The following PLPPR1 variants were observed in gnomAD, a reference collection of about 807,000 sequenced individuals.
PLPPR1 encodes phospholipid phosphatase-related protein type 1.
A neutral mutation model predicts 33.1 loss-of-function variants in PLPPR1; 10 were observed. The ratio of observed to expected loss-of-function variants is 0.30; its 90% CI spans 0.19 to 0.51. The LOEUF is 0.51. PLPPR1 is among the 20% of genes least tolerant of loss of function. PLPPR1 has a pLI of 0.97. For synonymous variants in PLPPR1, 151 were observed against 151.0 expected (o/e 1.00, Z 0.00); for missense variants, 304 against 408.1 (o/e 0.74, Z 2.20).
At chr9:101,302,401 G>C (rs1383403700) in intron 4 of PLPPR1, among the ~76,000 whole-genome samples, 1 of 152,152 alleles carries the variant, frequency 6.6e-6, no homozygotes, top group Non-Finnish European at 1.5e-5. Flanking sequence ...TTTGAATAAA[G>C]CATGTTAATG....
chr9:101,173,617 C>A (rs1406857121), intron 1 of PLPPR1, among the ~76,000 whole-genome samples: 6 of 152,072 alleles, frequency 3.9e-5, no homozygotes, highest in Non-Finnish European at 7.4e-5. Context: ...ATGGTTGTCC[C>A]CTTGGCTAAA....
chr9:101,084,090 C>T (rs1432711501), intron 1 of PLPPR1, among the ~76,000 whole-genome samples: 1 of 152,162 alleles, frequency 6.6e-6, no homozygotes, highest in Non-Finnish European at 1.5e-5. Context: ...GACTTTGACT[C>T]AGAGCTTTCT....
At chr9:101,253,689 A>G (rs541881387) in intron 2 of PLPPR1, among the ~76,000 whole-genome samples, 6 of 152,242 alleles carry the variant, frequency 3.9e-5, no homozygotes, top group African/African-American at 1.4e-4. Context: ...CTTTTATTCA[A>G]CGTAAAACCT....
intron 2 of PLPPR1, among the ~76,000 whole-genome samples, chr9:101,199,355 G>A (rs1826452940): frequency 6.6e-6 from 1 of 152,188 alleles, no homozygotes; most frequent in African/African-American, 2.4e-5. Context: ...GCTAGTCCCT[G>A]TGGCAGGGGC....
chr9:101,201,253 A>G (rs1588069827), intron 2 of PLPPR1, among the ~76,000 whole-genome samples: 1 of 152,318 alleles, frequency 6.6e-6, no homozygotes, highest in East Asian at 1.9e-4. Flanking sequence ...CCATCTCTCA[A>G]TACTACCACT....
chr9:101,039,846 A>C (rs775437626), intron 1 of PLPPR1, among the ~76,000 whole-genome samples: 1 of 151,858 alleles, frequency 6.6e-6, no homozygotes, highest in Admixed American at 6.6e-5. Context: ...GGCTCCTCCC[A>C]TGACACATGG....
intron 2 of PLPPR1, among the ~76,000 whole-genome samples, chr9:101,214,205 A>C (rs1204512517): frequency 6.6e-6 from 1 of 152,230 alleles, no homozygotes; most frequent in African/African-American, 2.4e-5. Flanking sequence ...TTCAAGAATC[A>C]ATCACATTCT....
chr9:101,240,160 C>T (rs1310311111), intron 2 of PLPPR1, among the ~76,000 whole-genome samples: 1 of 151,958 alleles, frequency 6.6e-6, no homozygotes, highest in East Asian at 1.9e-4. Context: ...GTGTCCTTTT[C>T]CCAGTGTATA....
intron 1 of PLPPR1, among the ~76,000 whole-genome samples, chr9:101,081,598 T>G (rs930307049): frequency 6.6e-6 from 1 of 152,192 alleles, no homozygotes; most frequent in African/African-American, 2.4e-5. Context: ...TTATATGAAT[T>G]ATGGCATCTC....
chr9:101,181,015 A>T (rs1194564018), intron 1 of PLPPR1, among the ~76,000 whole-genome samples: 1 of 151,298 alleles, frequency 6.6e-6, no homozygotes, highest in Non-Finnish European at 1.5e-5. Context: ...ATATATGAAG[A>T]ACTCAAACAA....
intron 1 of PLPPR1, among the ~76,000 whole-genome samples, chr9:101,133,373 G>C (rs1831338934): frequency 6.6e-6 from 1 of 152,194 alleles, no homozygotes; most frequent in African/African-American, 2.4e-5. Context: ...ATAACTTGTA[G>C]TAACATGAGA....
At chr9:101,118,285 G>A (rs1564149673) in intron 1 of PLPPR1, among the ~76,000 whole-genome samples, 1 of 152,194 alleles carries the variant, frequency 6.6e-6, no homozygotes, top group African/African-American at 2.4e-5. Context: ...GTGGGGCTGA[G>A]CTGAGACAGC....
At chr9:101,295,825 G>A (rs1170374718) in intron 4 of PLPPR1, among the ~76,000 whole-genome samples, 64 of 151,366 alleles carry the variant, frequency 4.2e-4, no homozygotes, top group Admixed American at 2.8e-3. Context: ...AGACTTAAAC[G>A]TTAGACCTAA....
chr9:101,113,146 TGA>T (rs1396682180), intron 1 of PLPPR1, among the ~76,000 whole-genome samples: 1 of 152,086 alleles, frequency 6.6e-6, no homozygotes, highest in Non-Finnish European at 1.5e-5. Context: ...TAATCAGAGT[TGA>T]GAGAGGAAGT....
At chr9:101,037,715 G>T (rs147955882) in intron 1 of PLPPR1, among the ~76,000 whole-genome samples, 1 of 151,842 alleles carries the variant, frequency 6.6e-6, no homozygotes, top group Non-Finnish European at 1.5e-5. Flanking sequence ...CCTCCTGGGG[G>T]TCACAGGAAC....
At chr9:101,056,314 A>G (rs1400133835) in intron 1 of PLPPR1, among the ~76,000 whole-genome samples, 2 of 152,202 alleles carry the variant, frequency 1.3e-5, no homozygotes, top group Admixed American at 1.3e-4. Flanking sequence ...ATTTGATGAC[A>G]TTCACCCAAC....
At chr9:101,172,741 C>T (rs1564165425) in intron 1 of PLPPR1, among the ~76,000 whole-genome samples, 1 of 152,054 alleles carries the variant, frequency 6.6e-6, no homozygotes, top group Non-Finnish European at 1.5e-5. Flanking sequence ...CCCCACATTC[C>T]CAGCTCTATC....
intron 2 of PLPPR1, among the ~76,000 whole-genome samples, chr9:101,196,628 G>C (rs929610931): frequency 6.6e-6 from 1 of 152,190 alleles, no homozygotes; most frequent in Non-Finnish European, 1.5e-5. Context: ...TTGGGAGGCC[G>C]AGGCGGGCGG....
chr9:101,052,202 AAT>A (rs1830230424), intron 1 of PLPPR1, among the ~76,000 whole-genome samples: 1 of 152,214 alleles, frequency 6.6e-6, no homozygotes, highest in African/African-American at 2.4e-5. Flanking sequence ...GCACATAATA[AAT>A]ATGTGTTACT....
Sources: gnomAD v4.1 joint callset for allele counts (sites outside exome capture counted in the v4.1 genomes callset) on GRCh38, gnomAD v4.1.1 for gene constraint, MANE v1.5 for transcripts, NCBI Gene and HGNC (gene_info 2026-07-23, HGNC 2026-07-21) for gene names.